The following PPIC variants were observed in gnomAD, a reference collection of about 807,000 sequenced individuals.
PPIC encodes the protein peptidylprolyl isomerase C.
PPIC carries 19 observed loss-of-function variants against 19.5 expected under a neutral mutation model. That is an observed-to-expected ratio of 0.98 (90% CI 0.68 to 1.43). The LOEUF (loss-of-function observed/expected upper bound fraction) is 1.43, where lower values mean the gene tolerates loss of function less well. Ranked by LOEUF, PPIC falls within the 40% of genes most tolerant of loss-of-function variation. PPIC has a pLI of 0.00. For missense variants in PPIC, 268 were observed against 268.6 expected (o/e 1.00, Z 0.02); for synonymous variants, 107 against 101.2 (o/e 1.06, Z -0.34).
intron 2 of PPIC, 36 bp downstream of exon 2, chr5:123,029,269 A>C (rs1762909524): frequency 6.2e-7 from 1 of 1,613,902 alleles, no homozygotes; most frequent in Non-Finnish European, 8.5e-7. Flanking sequence ...TCAAAGAAAG[A>C]AGACCCAATT....
In PPIC at chr5:123,029,106, T is replaced by C. The variant is rs147794195; in HGVS notation, c.231+199A>G. 8.7e-4 allele frequency: 864 copies of C among 991,310 alleles called. 11 individuals are homozygous for C. In the East Asian group the frequency reaches 0.019, roughly 22 times the overall value. The allele number at this position is 991,310 out of a possible 1,614,324, so 61.4% of individuals were successfully genotyped here. On this transcript the variant is annotated intron_variant, in intron 2 of 4. Transcript: ENST00000306442. ...AAAGAGAGCAAACCATATTTTCACT[T>C]GATGATGATTTTCTCCCAATTTCCA...
intron 1 of PPIC, among the ~76,000 whole-genome samples, chr5:123,035,731 C>A (rs777715045): frequency 6.6e-6 from 1 of 152,212 alleles, no homozygotes; most frequent in Non-Finnish European, 1.5e-5. Context: ...TCCCTGCATT[C>A]TCCCATTATC....
chr5:123,036,664 C>A lies in PPIC; in HGVS notation c.-39G>T. ...AGCGGCGCTACCGGCACGGGCGCTA[C>A]CGGCACGGGCGCGACACAGGCTCTG... On this transcript the variant is annotated 5_prime_UTR_variant, in exon 1 of 5. Transcript: ENST00000306442. This position sits in a 1 kb window ranked among gnomAD's most constrained non-coding sequence, Gnocchi z 4.5. 2 of 1,516,632 alleles carry A rather than the reference C, an allele frequency of 1.3e-6. No homozygotes were observed. Among genetic ancestry groups the A allele is most frequent in the Non-Finnish European group, 1.8e-6 (2 of 1,119,076 alleles). The allele number at this position is 1,516,632 out of a possible 1,614,324, so 93.9% of individuals were successfully genotyped here.
At position 123,023,803 on chromosome 5, in the gene PPIC, A is replaced by G. The variant is rs1401011719; in HGVS notation, c.*72T>C. 1.2e-5 allele frequency: 15 copies of G among 1,237,888 alleles called. No individual in the cohort carries two copies. Among genetic ancestry groups the G allele is most frequent in the Non-Finnish European group, 1.6e-5 (15 of 943,970 alleles). The allele number at this position is 1,237,888 out of a possible 1,614,324, so 76.7% of individuals were successfully genotyped here. A position where few individuals can be genotyped will look rare whatever the true frequency, so the allele number is the denominator to read the frequency against. On this transcript the variant is annotated 3_prime_UTR_variant, in exon 5 of 5. Transcript: ENST00000306442. ...AAAAAAAGCAAATAATTGAAAGACA[A>G]CACAACACACACACACACACACACA...
chr5:123,036,651 G>T lies in PPIC; in HGVS notation c.-26C>A. 1 of 1,547,014 alleles carries T rather than the reference G, an allele frequency of 6.5e-7. No individual in the cohort carries two copies. The highest frequency in any genetic ancestry group is 2.4e-5 in the East Asian group (1 of 42,102). On this transcript the variant is annotated 5_prime_UTR_variant, in exon 1 of 5. Transcript: ENST00000306442. This position sits in a 1 kb window ranked among gnomAD's most constrained non-coding sequence, Gnocchi z 4.5. ...GGTGAGCGGTGGCAGCGGCGCTACCGGCACGGGCGCTACCGGCACGGGCGC... is the reference window on the plus strand; with the variant it reads ...GGTGAGCGGTGGCAGCGGCGCTACCTGCACGGGCGCTACCGGCACGGGCGC...
chr5:123,031,530 C>T (rs542339571), intron 1 of PPIC, among the ~76,000 whole-genome samples: 4 of 152,298 alleles, frequency 2.6e-5, no homozygotes, highest in Non-Finnish European at 5.9e-5. Context: ...CTTCTGACCA[C>T]AACTAGGGGT....
chr5:123,026,261 G>T (rs1226618096), intron 3 of PPIC, among the ~76,000 whole-genome samples: 1 of 152,138 alleles, frequency 6.6e-6, no homozygotes, highest in African/African-American at 2.4e-5. Flanking sequence ...CCATGACTTC[G>T]CTCTGAAGTG....
chr5:123,036,325 C>G lies in PPIC; in HGVS notation c.117+184G>C, dbSNP rs1405908546. ...TCAGCCCAGCTCCCCCAGGGTCTCC[C>G]CCGGAGCGCCGGCCTCCCAGCACGC... is the stretch of plus-strand genomic sequence containing the variant. On this transcript the variant is annotated intron_variant, in intron 1 of 4. Transcript: ENST00000306442. The surrounding 1 kb of genome is among the most constrained non-coding windows in gnomAD (Gnocchi z 4.5). The G allele has an allele frequency of 3.3e-6, 2 of 608,112 alleles. No individual in the cohort carries two copies. Among genetic ancestry groups the G allele is most frequent in the South Asian group, 2.0e-5 (1 of 51,034 alleles). The allele number at this position is 608,112 out of a possible 1,614,324, so 37.7% of individuals were successfully genotyped here.
chr5:123,029,051 T>C (rs1392331486), intron 2 of PPIC, 183 bp from the exon 3 acceptor site: 3 of 809,490 alleles, frequency 3.7e-6, no homozygotes, highest in East Asian at 5.4e-5. Context: ...AAATATGTTA[T>C]GGAAGTAGAG....
chr5:123,036,452 G>C lies in PPIC; in HGVS notation c.117+57C>G. ...TGACACCGAGGTCCCAGTATCCAAA[G>C]CGCCCCCAGGGCCCCGCCCGCAACA... On this transcript the variant is annotated intron_variant, in intron 1 of 4. Coordinates refer to ENST00000306442, the MANE Select transcript of PPIC (RefSeq NM_000943.5). This position sits in a 1 kb window ranked among gnomAD's most constrained non-coding sequence, Gnocchi z 4.5. 6.7e-7 allele frequency: 1 copy of C among 1,485,832 alleles called. No individual in the cohort carries two copies. Among genetic ancestry groups the C allele is most frequent in the Non-Finnish European group, 9.3e-7 (1 of 1,081,016 alleles). The allele number at this position is 1,485,832 out of a possible 1,614,324, so 92.0% of individuals were successfully genotyped here.
At chr5:123,035,494 G>T (rs1055944192) in intron 1 of PPIC, among the ~76,000 whole-genome samples, 16 of 152,112 alleles carry the variant, frequency 1.1e-4, no homozygotes, top group Admixed American at 3.3e-4. Flanking sequence ...TGCTGAGCTG[G>T]ACCTCCTCCT....
At chr5:123,026,917 G>A (rs1371371122) in intron 3 of PPIC, among the ~76,000 whole-genome samples, 1 of 152,148 alleles carries the variant, frequency 6.6e-6, no homozygotes, top group East Asian at 1.9e-4. Context: ...GAAGTAGGCT[G>A]GGTGCAGTGG....
Position 123,036,095 on chromosome 5 carries a change from T to C in PPIC, c.117+414A>G, listed in dbSNP as rs1219437012. ...GCAAGCCCTGGGCTCCGAGCGCCTC[T>C]CCTGTGCGGGTCCCGCCCCCCTCCC... is the stretch of plus-strand genomic sequence containing the variant. On this transcript the variant is annotated intron_variant, in intron 1 of 4. Coordinates refer to ENST00000306442, the MANE Select transcript of PPIC (RefSeq NM_000943.5). This position sits in a 1 kb window ranked among gnomAD's most constrained non-coding sequence, Gnocchi z 4.5. Among the ~76,000 whole-genome samples the C allele has an allele frequency of 2.0e-5, 3 of 152,110 alleles. No individual in the cohort carries two copies. Among genetic ancestry groups the C allele is most frequent in the Non-Finnish European group, 4.4e-5 (3 of 68,004 alleles).
chr5:123,035,524 C>T (rs1025839915), intron 1 of PPIC, among the ~76,000 whole-genome samples: 4 of 152,206 alleles, frequency 2.6e-5, no homozygotes, highest in Non-Finnish European at 5.9e-5. Context: ...CTAGTCCTCC[C>T]CGTCCTCAGG....
At position 123,028,665 on chromosome 5, in the gene PPIC, C is replaced by A. The variant is rs981320366; in HGVS notation, c.325+110G>T. 4 of 832,618 alleles carry A rather than the reference C, an allele frequency of 4.8e-6. No individual in the cohort carries two copies. In the African/African-American group the frequency reaches 7.0e-5, roughly 15 times the overall value. 51.6% of individuals were successfully genotyped at this position (832,618 alleles called of 1,614,324 possible). On this transcript the variant is annotated intron_variant, in intron 3 of 4. Coordinates refer to ENST00000306442, the MANE Select transcript of PPIC (RefSeq NM_000943.5). Reference sequence around the variant, plus strand: ...ATCCTTCTCAAAGAGGTACAGTCGTCTTTACAACTGTGTTCCTTAGCTCTG... The same window carrying A: ...ATCCTTCTCAAAGAGGTACAGTCGTATTTACAACTGTGTTCCTTAGCTCTG...
chr5:123,035,474 C>T (rs1045372154), intron 1 of PPIC, among the ~76,000 whole-genome samples: 1 of 152,116 alleles, frequency 6.6e-6, no homozygotes, highest in East Asian at 1.9e-4. Context: ...GGCCTTTCTG[C>T]GACATCAGAT....
At chr5:123,024,791 A>G (rs1382769025) in intron 4 of PPIC, among the ~76,000 whole-genome samples, 2 of 152,226 alleles carry the variant, frequency 1.3e-5, no homozygotes, top group Non-Finnish European at 2.9e-5. Context: ...AGGTAGAATA[A>G]GTCACATGAA....
intron 4 of PPIC, among the ~76,000 whole-genome samples, chr5:123,025,301 T>A (rs953634902): frequency 6.6e-6 from 1 of 152,146 alleles, no homozygotes; most frequent in South Asian, 2.1e-4. Flanking sequence ...AAATACAACA[T>A]CCCATTTACC....
At chr5:123,026,649 G>A (rs1477446753) in intron 3 of PPIC, among the ~76,000 whole-genome samples, 1 of 152,188 alleles carries the variant, frequency 6.6e-6, no homozygotes, top group Non-Finnish European at 1.5e-5. Context: ...AGCAACTTCA[G>A]GACCCATCAG....
Sources: gnomAD v4.1 joint callset for allele counts (sites outside exome capture counted in the v4.1 genomes callset) on GRCh38, gnomAD v4.1.1 for gene constraint, Gnocchi (gnomAD v3.1) non-coding constraint, MANE v1.5 for transcripts, NCBI Gene and HGNC (gene_info 2026-07-23, HGNC 2026-07-21) for gene names.